The following RAB44 variants were observed in gnomAD, a reference collection of about 807,000 sequenced individuals.
RAB44 encodes ras-related protein Rab-44.
Under a neutral mutation model 93.3 loss-of-function variants are expected in RAB44, and 67 were observed. That is an observed-to-expected ratio of 0.72 (90% CI 0.59 to 0.88). The LOEUF (loss-of-function observed/expected upper bound fraction) is 0.88, where lower values mean the gene tolerates loss of function less well. RAB44 is among the 40% of genes least tolerant of loss of function. RAB44 has a pLI of 0.00. For missense variants in RAB44, 1,064 were observed against 1,261.7 expected (o/e 0.84, Z 2.37); for synonymous variants, 427 against 520.3 (o/e 0.82, Z 2.44).
At chr6:36,715,791 CTG>C in intron 4 of RAB44, 138 bp downstream of exon 4, 1 of 794,680 alleles carries the variant, frequency 1.3e-6, no homozygotes, top group Non-Finnish European at 2.0e-6. Flanking sequence ...CATTGGCTAG[CTG>C]TGTGACCACA....
In RAB44 at chr6:36,715,102, A is replaced by AATATATATATATATATATATAT. The variant is rs3046039; in HGVS notation, c.320-361_320-360insATATATATATATATATATATAT. Among the ~76,000 whole-genome samples the AATATATATATATATATATATAT allele has an allele frequency of 5.8e-4, 86 of 148,290 alleles. 3 individuals carry two copies. The highest frequency in any genetic ancestry group is 2.1e-3 in the African/African-American group (82 of 38,870). ...TGGCTCACTTAGCAAGTTGGCTTAA[A>AATATATATATATATATATATAT]ATATATATATATATATTCTTTTCAA... is the stretch of plus-strand genomic sequence containing the variant. On this transcript the variant is annotated intron_variant, in intron 3 of 13. Coordinates refer to ENST00000612677, the MANE Select transcript of RAB44 (RefSeq NM_001257357.2).
chr6:36,723,904 C>T (rs1053234428), intron 9 of RAB44, among the ~76,000 whole-genome samples: 1 of 149,032 alleles, frequency 6.7e-6, no homozygotes, highest in Non-Finnish European at 1.5e-5. Context: ...AAAGAAGTCA[C>T]GCCTGTCTTT....
chr6:36,722,313 G>C lies in RAB44; in HGVS notation c.2179G>C (p.Ala727Pro). 7.5e-7 allele frequency: 1 copy of C among 1,327,994 alleles called. No homozygotes were observed. Among genetic ancestry groups the C allele is most frequent in the Non-Finnish European group, 9.6e-7 (1 of 1,041,074 alleles). The allele number at this position is 1,327,994 out of a possible 1,614,324, so 82.3% of individuals were successfully genotyped here. ...TTCTCTCCCATCTGCCACACCACAG[G>C]CTCAGGTGGAAGCAGAAGGCCCCAC... The part of the protein sequence containing the change: ...LVSLPSATPQ[A>P]QVEAEGPTPG... The change falls in exon 9 of 14, where the codon GCT becomes CCT. Residue 727 changes from alanine (A) to proline (P), a missense_variant. Ala to Pro is a conservative substitution (Grantham distance 27). Coordinates refer to ENST00000612677, the MANE Select transcript of RAB44 (RefSeq NM_001257357.2).
At position 36,728,691 on chromosome 6, in the gene RAB44, T is replaced by C; in HGVS notation, c.2797-9T>C. On this transcript the variant is annotated splice_polypyrimidine_tract_variant and intron_variant, in intron 11 of 13. Coordinates refer to ENST00000612677, the MANE Select transcript of RAB44 (RefSeq NM_001257357.2). Reference sequence around the variant, plus strand: ...TGGGTGTGGCTGACAGAACATGTTCTGTGTGCAGGATGCAGGGTCGGATGG... The same window carrying C: ...TGGGTGTGGCTGACAGAACATGTTCCGTGTGCAGGATGCAGGGTCGGATGG... 16 of 1,549,792 alleles carry C rather than the reference T, an allele frequency of 1.0e-5. No homozygotes were observed. Among genetic ancestry groups the C allele is most frequent in the Non-Finnish European group, 1.4e-5 (16 of 1,146,282 alleles).
rs543775044 is a variant in RAB44 at position 36,715,585 on chromosome 6, G to A, written c.426G>A (p.Ala142=). 36 of 1,536,180 alleles carry A rather than the reference G, an allele frequency of 2.3e-5. No homozygotes were observed. The African/African-American group carries it at 2.5e-4, about 10-fold the overall frequency. Residue 142 remains alanine (A), a synonymous_variant, in exon 4 of 14, where the codon GCG becomes GCA. Transcript: ENST00000612677. ...ATTSFPALEE[A]DAEEKEAFLA... The stretch of plus-strand genomic sequence containing the variant: ...CCAGCTTCCCAGCTCTGGAGGAGGC[G>A]GATGCTGAGGAGAAGGAGGCGTTCC...
Position 36,721,654 on chromosome 6 carries a change from C to T in RAB44, c.1520C>T (p.Ala507Val), listed in dbSNP as rs374955677. The change falls in exon 9 of 14, where the codon GCG becomes GTG. Residue 507 changes from alanine to valine, a missense_variant. Ala to Val is a moderately conservative substitution (Grantham distance 64). Transcript: ENST00000612677. The part of the protein sequence containing the change: ...IPLEDGPPPP[A>V]NSPPPQAPAG... ...TTGGAGGATGGGCCCCCTCCCCCTG[C>T]GAACTCTCCCCCTCCCCAGGCCCCA... 9.8e-5 allele frequency: 121 copies of T among 1,234,452 alleles called. No homozygotes were observed. The highest frequency in any genetic ancestry group is 1.4e-4 in the African/African-American group (9 of 64,604). The allele number at this position is 1,234,452 out of a possible 1,614,324, so 76.5% of individuals were successfully genotyped here. A position where few individuals can be genotyped will look rare whatever the true frequency, so the allele number is the denominator to read the frequency against.
intron 7 of RAB44, among the ~76,000 whole-genome samples, chr6:36,719,233 A>G (rs1465524557): frequency 2.0e-5 from 3 of 152,142 alleles, no homozygotes; most frequent in Non-Finnish European, 4.4e-5. Flanking sequence ...GACAAGAAGC[A>G]TCCCTTCAGC....
rs1763083403 is a variant in RAB44, at chr6:36,721,590, G to A, written c.1456G>A (p.Gly486Arg). ...PEGRLLWGLS[G>R]SLVAPAFKVL... ...GGGCCGCCTCCTCTGGGGTCTCTCA[G>A]GAAGCCTGGTGGCACCTGCATTCAA... The change falls in exon 9 of 14, where the codon GGA becomes AGA. Residue 486 changes from glycine to arginine, a missense_variant. Transcript: ENST00000612677. The A allele has an allele frequency of 8.1e-7, 1 of 1,234,498 alleles. No individual in the cohort carries two copies. Among genetic ancestry groups the A allele is most frequent in the African/African-American group, 1.5e-5 (1 of 64,586 alleles). 76.5% of individuals were successfully genotyped at this position (1,234,498 alleles called of 1,614,324 possible).
chr6:36,719,134 C>T (rs1343954073), intron 7 of RAB44, among the ~76,000 whole-genome samples: 3 of 152,138 alleles, frequency 2.0e-5, no homozygotes, highest in African/African-American at 7.2e-5. Flanking sequence ...GTCTCAATCT[C>T]CTGACCTTGT....
intron 9 of RAB44, among the ~76,000 whole-genome samples, chr6:36,724,777 G>A (rs1763193783): frequency 6.6e-6 from 1 of 152,126 alleles, no homozygotes; most frequent in Non-Finnish European, 1.5e-5. Flanking sequence ...CCAATCCCAA[G>A]CTATGGTTTG....
chr6:36,703,912 A>G (rs1433722035), intron 1 of RAB44, among the ~76,000 whole-genome samples: 1 of 152,200 alleles, frequency 6.6e-6, no homozygotes, highest in South Asian at 2.1e-4. Flanking sequence ...AATAGGATAT[A>G]TTCTCTAATG....
chr6:36,702,317 AG>A (rs1664169502), intron 1 of RAB44, among the ~76,000 whole-genome samples: 1 of 112,170 alleles, frequency 8.9e-6, no homozygotes, highest in African/African-American at 3.5e-5. Context: ...AGAGAGAGAG[AG>A]AGAGAGAGAG....
In RAB44 at chr6:36,720,464, GGAGGTGCGGGGGCAGCT is replaced by G. The variant is rs1411686159; in HGVS notation, c.932_948del (p.Glu311AlafsTer29). On this transcript the variant is annotated frameshift_variant, in exon 8 of 14. Transcript: ENST00000612677. LOFTEE classifies it high-confidence loss of function. ...AGCGTGACCTGGCTGGGCGGCTGGA[GGAGGTGCGGGGGCAGCT>G]GCAGGTGACCAGGGGGCGCCTGGAC... 1.6e-6 allele frequency: 2 copies of G among 1,233,014 alleles called. No individual in the cohort carries two copies. Among genetic ancestry groups the G allele is most frequent in the East Asian group, 6.3e-5 (2 of 31,736 alleles). 76.4% of individuals were successfully genotyped at this position (1,233,014 alleles called of 1,614,324 possible).
chr6:36,721,008 C>A, intron 8 of RAB44, 143 bp from the exon 9 acceptor site: 1 of 692,486 alleles, frequency 1.4e-6, no homozygotes, highest in Non-Finnish European at 2.0e-6. Flanking sequence ...GAGCACATAC[C>A]AGGTGAGAAA....
chr6:36,709,351 G>A (rs1323802480), intron 2 of RAB44, among the ~76,000 whole-genome samples: 1 of 152,144 alleles, frequency 6.6e-6, no homozygotes, highest in Non-Finnish European at 1.5e-5. Context: ...TATAAATCAA[G>A]GCAAATAAAA....
chr6:36,710,205 C>T (rs9470377), intron 2 of RAB44, among the ~76,000 whole-genome samples: 15,036 of 152,174 alleles, frequency 0.099, 881 homozygotes, highest in African/African-American at 0.16. Context: ...AACTCCCATA[C>T]TTCCCTCTCC....
intron 8 of RAB44, 56 bp from the exon 9 acceptor site, chr6:36,721,084 AGGTGGGATGGG>A: frequency 8.2e-7 from 1 of 1,223,108 alleles, no homozygotes; most frequent in Non-Finnish European, 1.0e-6. Flanking sequence ...TGAGGGCTGC[AGGTGGGATGGG>A]TGTGACACCA....
chr6:36,726,259 T>C (rs1047009640), intron 10 of RAB44, among the ~76,000 whole-genome samples: 5 of 152,206 alleles, frequency 3.3e-5, no homozygotes, highest in African/African-American at 1.2e-4. Flanking sequence ...TTTTTTTTTC[T>C]TCTTGAGATG....
intron 1 of RAB44, among the ~76,000 whole-genome samples, chr6:36,700,869 AG>A (rs1762492822): frequency 6.6e-6 from 1 of 152,138 alleles, no homozygotes; most frequent in African/African-American, 2.4e-5. Flanking sequence ...CCATGGAGGG[AG>A]GGGGCTCCCC....
Sources: allele counts gnomAD v4.1 joint callset (sites outside exome capture counted in the v4.1 genomes callset), GRCh38; gene constraint gnomAD v4.1.1; transcripts MANE v1.5; gene names NCBI Gene and HGNC (gene_info 2026-07-23, HGNC 2026-07-21).